Variants in SLC14A2 observed in about 807,000 individuals in gnomAD.
SLC14A2 encodes solute carrier family 14 member 2, also known as urea transporter 2.
A neutral mutation model predicts 104.6 loss-of-function variants in SLC14A2; 91 were observed. The ratio of observed to expected loss-of-function variants is 0.87; its 90% confidence interval spans 0.73 to 1.04. The LOEUF (loss-of-function observed/expected upper bound fraction) is 1.04, where lower values mean the gene tolerates loss of function less well. Among genes scored for constraint, SLC14A2 ranks in the 50% least tolerant of loss-of-function variants. SLC14A2 has a pLI of 0.00. For synonymous variants in SLC14A2, 476 were observed against 466.4 expected, an observed-to-expected ratio of 1.02 and a Z score of -0.27; for missense variants, 1,189 against 1,156.0, an observed-to-expected ratio of 1.03 and a Z score of -0.41.
intron 5 of SLC14A2, among the ~76,000 whole-genome samples, chr18:45,634,062 T>C (rs932426095): frequency 2.6e-5 from 4 of 152,168 alleles, no homozygotes; most frequent in Admixed American, 2.6e-4. Context: ...CAATTAGACT[T>C]CAGTGCCCCC....
chr18:45,374,941 A>C (rs1019991586), intron 1 of SLC14A2, among the ~76,000 whole-genome samples: 2 of 152,202 alleles, frequency 1.3e-5, no homozygotes, highest in African/African-American at 2.4e-5. Context: ...CTCTGGAAGT[A>C]GAGAGACTCT....
rs754932235 is a variant in SLC14A2 at position 45,672,938 on chromosome 18, C to T, written c.2268C>T (p.Tyr756=). The change falls in exon 17 of 20, where the codon TAC becomes TAT. Residue 756 remains tyrosine, a synonymous_variant. Coordinates refer to ENST00000255226, the MANE Select transcript of SLC14A2 (RefSeq NM_007163.4). ...TCCCCGTTGGAATTGGCCAAGTGTA[C>T]GGCTGTGATAACCCCTGGACTGGAG... ...RAIPVGIGQV[Y]GCDNPWTGGI... 6 of 1,613,962 alleles carry T rather than the reference C, an allele frequency of 3.7e-6. No individual in the cohort carries two copies. Among genetic ancestry groups the T allele is most frequent in the South Asian group, 1.1e-5 (1 of 91,078 alleles).
intron 10 of SLC14A2, among the ~76,000 whole-genome samples, chr18:45,658,227 A>T (rs142756615): frequency 6.8e-4 from 104 of 152,270 alleles, no homozygotes; most frequent in African/African-American, 2.5e-3. Flanking sequence ...TATGTTGGAC[A>T]TTGCAACTGA....
intron 1 of SLC14A2, among the ~76,000 whole-genome samples, chr18:45,404,483 T>C (rs2362190): frequency 0.24 from 36,772 of 152,130 alleles, 4,730 homozygotes; most frequent in Admixed American, 0.32. Context: ...TGTTACTTCA[T>C]ACCTGCTAGA....
intron 2 of SLC14A2, among the ~76,000 whole-genome samples, chr18:45,489,465 C>G (rs779068750): frequency 1.3e-5 from 2 of 151,858 alleles, no homozygotes; most frequent in African/African-American, 4.8e-5. Context: ...GAGCCGAGAT[C>G]GTACCACTGC....
intron 2 of SLC14A2, among the ~76,000 whole-genome samples, chr18:45,518,949 C>A (rs2043479294): frequency 6.6e-6 from 1 of 152,168 alleles, no homozygotes; most frequent in African/African-American, 2.4e-5. Context: ...GGCAAGGGGC[C>A]AGCCTGGTGG....
intron 1 of SLC14A2, among the ~76,000 whole-genome samples, chr18:45,392,922 C>G (rs2085987357): frequency 6.6e-6 from 1 of 152,218 alleles, no homozygotes; most frequent in Non-Finnish European, 1.5e-5. Flanking sequence ...CCTGTCCACT[C>G]TCAACGTCTC....
At chr18:45,205,758 T>A in the SLC14A2 span, among the ~76,000 whole-genome samples, 10 of 152,228 alleles carry the variant, frequency 6.6e-5, 1 homozygote, top group Admixed American at 6.5e-4. Context: ...TACAGAATGG[T>A]CCCTGGCTGG....
chr18:45,470,640 A>G (rs1483171430), intron 1 of SLC14A2, among the ~76,000 whole-genome samples: 1 of 152,122 alleles, frequency 6.6e-6, no homozygotes, highest in Non-Finnish European at 1.5e-5. Context: ...TTTATACAAT[A>G]TATTTAATCC....
chr18:45,391,006 G>A (rs1786866118), intron 1 of SLC14A2, among the ~76,000 whole-genome samples: 2 of 152,076 alleles, frequency 1.3e-5, no homozygotes, highest in Non-Finnish European at 2.9e-5. Flanking sequence ...GTATACATGT[G>A]CCATGTTGGT....
intron 1 of SLC14A2, among the ~76,000 whole-genome samples, chr18:45,473,067 AGGGGTCCAGGTTCAGTTTTCTGCATAT>A (rs1435068583): frequency 6.6e-6 from 1 of 152,196 alleles, no homozygotes; most frequent in African/African-American, 2.4e-5. Flanking sequence ...GGTGTAAGGA[AGGGGTCCAGGTTCAGTTTTCTGCATAT>A]GGCTAGCCAG....
intron 2 of SLC14A2, among the ~76,000 whole-genome samples, chr18:45,587,381 C>T (rs962634749): frequency 6.6e-6 from 1 of 152,142 alleles, no homozygotes; most frequent in Non-Finnish European, 1.5e-5. Flanking sequence ...TACATCAACA[C>T]CAGGGTTGAG....
At chr18:45,309,007 T>C (rs922593655) in intron 1 of SLC14A2, among the ~76,000 whole-genome samples, 8 of 152,312 alleles carry the variant, frequency 5.3e-5, no homozygotes, top group South Asian at 4.1e-4. Context: ...CCCTTCCCTG[T>C]TCTCCTGGCA....
chr18:45,443,366 A>C (rs565877837), intron 1 of SLC14A2, among the ~76,000 whole-genome samples: 11 of 152,346 alleles, frequency 7.2e-5, no homozygotes, highest in African/African-American at 2.6e-4. Flanking sequence ...CAACTGGACA[A>C]AAAAAGGCAT....
At chr18:45,540,465 G>A (rs1212449382) in intron 2 of SLC14A2, among the ~76,000 whole-genome samples, 10 of 152,110 alleles carry the variant, frequency 6.6e-5, no homozygotes, top group South Asian at 6.2e-4. Flanking sequence ...AGAGTGGGCC[G>A]GGTGCGGTGG....
At chr18:45,669,236 C>G in intron 15 of SLC14A2, 70 bp from the exon 16 acceptor site, 1 of 1,273,530 alleles carries the variant, frequency 7.9e-7, no homozygotes, top group Non-Finnish European at 1.1e-6. Flanking sequence ...AGGGAGCCCC[C>G]ACTGCAGCAC....
intron 1 of SLC14A2, among the ~76,000 whole-genome samples, chr18:45,359,979 C>T (rs184899405): frequency 1.3e-5 from 2 of 152,320 alleles, no homozygotes; most frequent in Admixed American, 1.3e-4. Flanking sequence ...AAAATCTTTG[C>T]CTGGATTCTT....
At chr18:45,577,105 T>C (rs2044427947) in intron 2 of SLC14A2, among the ~76,000 whole-genome samples, 1 of 151,578 alleles carries the variant, frequency 6.6e-6, no homozygotes, top group Admixed American at 6.6e-5. Flanking sequence ...CAGGCTCTGG[T>C]TATTTGGTTT....
chr18:45,426,435 T>C (rs924714990), intron 1 of SLC14A2, among the ~76,000 whole-genome samples: 3 of 151,796 alleles, frequency 2.0e-5, no homozygotes, highest in Non-Finnish European at 4.4e-5. Context: ...TTACATTAAC[T>C]AGTCATATGG....
Sources: allele counts gnomAD v4.1 joint callset (sites outside exome capture counted in the v4.1 genomes callset), GRCh38; gene constraint gnomAD v4.1.1; transcripts MANE v1.5; gene names NCBI Gene and HGNC (gene_info 2026-07-23, HGNC 2026-07-21).